The following RBFOX1 variants were observed in gnomAD, a reference collection of about 807,000 sequenced individuals.
RBFOX1 encodes RNA binding fox-1 homolog 1, also known as RNA binding protein fox-1 homolog 1.
A neutral mutation model predicts 57.7 loss-of-function variants in RBFOX1; 8 were observed. The observed-to-expected ratio is 0.14, with a 90% CI of 0.08 to 0.25. The LOEUF (loss-of-function observed/expected upper bound fraction) is 0.25, where lower values mean the gene tolerates loss of function less well. Among genes scored for constraint, RBFOX1 ranks in the 10% least tolerant of loss-of-function variants. The probability of loss-of-function intolerance (pLI) is 1.00; values close to 1 mark genes in which losing one functional copy is unlikely to be tolerated. For missense variants in RBFOX1, 611 were observed against 548.5 expected, an observed-to-expected ratio of 1.11 and a Z score of -1.14; for synonymous variants, 326 against 222.4, an observed-to-expected ratio of 1.47 and a Z score of -4.15.
At chr16:6,052,582 A>G (rs911005370) in intron 1 of RBFOX1, among the ~76,000 whole-genome samples, 3 of 151,980 alleles carry the variant, frequency 2.0e-5, no homozygotes, top group Admixed American at 2.0e-4. Context: ...CAGGAGATCG[A>G]CACCATCCTG....
At chr16:6,491,898 G>C (rs1295075112) in intron 2 of RBFOX1, among the ~76,000 whole-genome samples, 2 of 152,122 alleles carry the variant, frequency 1.3e-5, no homozygotes, top group Non-Finnish European at 2.9e-5. Context: ...AGAGATTTAT[G>C]TAGCTATAGG....
chr16:6,728,014 A>G (rs2067648569), intron 3 of RBFOX1, among the ~76,000 whole-genome samples: 1 of 152,190 alleles, frequency 6.6e-6, no homozygotes, highest in African/African-American at 2.4e-5. Context: ...AAATTGTAGT[A>G]TTTCCATCCT....
intron 3 of RBFOX1, among the ~76,000 whole-genome samples, chr16:6,768,080 TG>T (rs1473900184): frequency 1.6e-4 from 24 of 151,628 alleles, no homozygotes; most frequent in African/African-American, 5.8e-4. Flanking sequence ...GTTATTTAGC[TG>T]GAAATATGAA....
intron 1 of RBFOX1, among the ~76,000 whole-genome samples, chr16:6,207,921 C>T (rs1347200627): frequency 6.6e-6 from 1 of 152,018 alleles, no homozygotes; most frequent in Non-Finnish European, 1.5e-5. Flanking sequence ...TAAAATGTGA[C>T]TCCAAATTAT....
chr16:7,039,441 G>T (rs537779876), intron 3 of RBFOX1, among the ~76,000 whole-genome samples: 2 of 152,244 alleles, frequency 1.3e-5, no homozygotes, highest in African/African-American at 2.4e-5. Flanking sequence ...AGTGTATTTT[G>T]TTCGTTTATG....
chr16:6,055,587 C>A (rs1242697515), intron 1 of RBFOX1, among the ~76,000 whole-genome samples: 1 of 92,978 alleles, frequency 1.1e-5, no homozygotes. Context: ...AGTGAGACTC[C>A]GTCAAAAAAA....
chr16:5,313,349 C>G (rs888109071), intron 1 of RBFOX1, among the ~76,000 whole-genome samples: 1 of 152,122 alleles, frequency 6.6e-6, no homozygotes, highest in Non-Finnish European at 1.5e-5. Flanking sequence ...GCTTTCCCCA[C>G]AGTGATGTGA....
At chr16:7,461,568 G>A (rs537964181) in intron 4 of RBFOX1, among the ~76,000 whole-genome samples, 1 of 152,160 alleles carries the variant, frequency 6.6e-6, no homozygotes, top group Non-Finnish European at 1.5e-5. Flanking sequence ...CAAGAACTTA[G>A]AATTGACATT....
chr16:5,649,727 T>C (rs1238931570), intron 3 of RBFOX1, among the ~76,000 whole-genome samples: 1 of 152,214 alleles, frequency 6.6e-6, no homozygotes, highest in Non-Finnish European at 1.5e-5. Flanking sequence ...CATTTCTCTT[T>C]TCAACAAACA....
At chr16:5,768,073 A>C (rs1440171413) in intron 3 of RBFOX1, among the ~76,000 whole-genome samples, 1 of 152,228 alleles carries the variant, frequency 6.6e-6, no homozygotes, top group African/African-American at 2.4e-5. Context: ...TTCCAAGAGT[A>C]GACTGCATTT....
chr16:5,529,798 C>A (rs1218242387), intron 2 of RBFOX1, among the ~76,000 whole-genome samples: 1 of 152,036 alleles, frequency 6.6e-6, no homozygotes, highest in Non-Finnish European at 1.5e-5. Flanking sequence ...GAACTCCTGA[C>A]CTCAAGTGAT....
At chr16:7,345,369 C>T (rs528114471) in intron 4 of RBFOX1, among the ~76,000 whole-genome samples, 6 of 152,120 alleles carry the variant, frequency 3.9e-5, no homozygotes, top group East Asian at 1.9e-4. Flanking sequence ...ATGGACCGTC[C>T]GATGACCATC....
intron 13 of RBFOX1, among the ~76,000 whole-genome samples, chr16:7,670,268 G>A (rs1315290437): frequency 1.3e-5 from 2 of 152,192 alleles, no homozygotes; most frequent in Non-Finnish European, 2.9e-5. Context: ...CCGACCTCAA[G>A]TGATCCAGCT....
intron 4 of RBFOX1, among the ~76,000 whole-genome samples, chr16:7,285,378 TTG>T (rs113808623): frequency 0.057 from 8,434 of 147,234 alleles, 331 homozygotes; most frequent in East Asian, 0.13. Context: ...CTTGCATTAA[TTG>T]TGTGTGTGTG....
chr16:7,092,696 G>C (rs1199692332), intron 4 of RBFOX1, among the ~76,000 whole-genome samples: 1 of 152,172 alleles, frequency 6.6e-6, no homozygotes, highest in Non-Finnish European at 1.5e-5. Flanking sequence ...CTGCGCCTTG[G>C]GGGACGCACA....
chr16:7,236,619 C>T lies in RBFOX1; in HGVS notation c.27+184521C>T, dbSNP rs537377013. Among the ~76,000 whole-genome samples the T allele has an allele frequency of 1.2e-4, 19 of 152,286 alleles. No individual in the cohort carries two copies. In the South Asian group the frequency reaches 3.9e-3, roughly 32 times the overall value. On this transcript the variant is annotated intron_variant, in intron 4 of 15. Transcript: ENST00000550418. ...ACCTTTTAAGGTAGCACATTGTAGT[C>T]AACTTCCCAAATCATGAAGTCTATG...
At chr16:6,351,442 C>T (rs574217974) in intron 2 of RBFOX1, among the ~76,000 whole-genome samples, 19 of 141,396 alleles carry the variant, frequency 1.3e-4, no homozygotes, top group African/African-American at 3.7e-4. Context: ...GGCATGATGT[C>T]GGCTCACTGC....
chr16:6,621,026 C>T (rs924233766), intron 2 of RBFOX1, among the ~76,000 whole-genome samples: 1 of 152,184 alleles, frequency 6.6e-6, no homozygotes, highest in African/African-American at 2.4e-5. Context: ...AGAATCTGAT[C>T]CTTGCATCTC....
intron 3 of RBFOX1, among the ~76,000 whole-genome samples, chr16:6,751,271 G>A (rs1008029025): frequency 6.6e-6 from 1 of 152,158 alleles, no homozygotes; most frequent in Non-Finnish European, 1.5e-5. Context: ...AATGGATGGG[G>A]AGTAGGTGGC....
Sources: gnomAD v4.1 joint callset for allele counts (sites outside exome capture counted in the v4.1 genomes callset) on GRCh38, gnomAD v4.1.1 for gene constraint, MANE v1.5 for transcripts, NCBI Gene and HGNC (gene_info 2026-07-23, HGNC 2026-07-21) for gene names.